The following DMXL2 variants were observed in gnomAD, a reference collection of about 807,000 sequenced individuals.
DMXL2 encodes Dmx like 2.
Under a neutral mutation model 331.1 loss-of-function variants are expected in DMXL2, and 103 were observed. That is an observed-to-expected ratio of 0.31 (90% CI 0.27 to 0.37). The LOEUF (loss-of-function observed/expected upper bound fraction) is 0.37, where lower values mean the gene tolerates loss of function less well. DMXL2 is among the 10% of genes least tolerant of loss of function. The pLI is 1.00. For missense variants in DMXL2, 3,171 were observed against 3,642.9 expected (o/e 0.87, Z 3.33); for synonymous variants, 1,281 against 1,252.1 (o/e 1.02, Z -0.49).
chr15:51,455,326 A>G, intron 39 of DMXL2, 98 bp from the exon 40 acceptor site: 1 of 969,688 alleles, frequency 1.0e-6, no homozygotes, highest in Non-Finnish European at 1.6e-6. Context: ...CTAAATAAAC[A>G]TTCTGCCTCT....
intron 1 of DMXL2, among the ~76,000 whole-genome samples, chr15:51,578,518 C>G (rs142042533): frequency 2.0e-4 from 31 of 152,240 alleles, no homozygotes; most frequent in Non-Finnish European, 4.1e-4. Context: ...ATCAAAATCA[C>G]CTAGGAAACC....
chr15:51,450,378 A>AAAC, intron 42 of DMXL2, 32 bp from the exon 43 acceptor site: 1 of 1,603,266 alleles, frequency 6.2e-7, no homozygotes, highest in Non-Finnish European at 8.5e-7. Flanking sequence ...GAATTTCTCA[A>AAAC]AACAATTTCT....
At chr15:51,548,766 T>C (rs949663754) in intron 6 of DMXL2, among the ~76,000 whole-genome samples, 3 of 152,090 alleles carry the variant, frequency 2.0e-5, no homozygotes, top group African/African-American at 7.2e-5. Context: ...TAACAGAAAG[T>C]TATCTAGAAA....
intron 1 of DMXL2, among the ~76,000 whole-genome samples, chr15:51,616,669 G>A (rs757426711): frequency 7.2e-5 from 11 of 152,168 alleles, no homozygotes; most frequent in Non-Finnish European, 1.5e-4. Context: ...CGGGTGCAGT[G>A]GCTCATGCCT....
At chr15:51,538,147 C>G in intron 10 of DMXL2, 66 bp downstream of exon 10, 1 of 1,534,394 alleles carries the variant, frequency 6.5e-7, no homozygotes. Context: ...GAATTCAAAA[C>G]TAAAAGTGGT....
At chr15:51,594,901 A>G (rs1356499213) in intron 1 of DMXL2, among the ~76,000 whole-genome samples, 1 of 152,222 alleles carries the variant, frequency 6.6e-6, no homozygotes, top group Non-Finnish European at 1.5e-5. Context: ...TTAGGTATTG[A>G]TGGGTTGTAT....
chr15:51,608,640 T>C (rs2053755022), intron 1 of DMXL2, among the ~76,000 whole-genome samples: 1 of 152,070 alleles, frequency 6.6e-6, no homozygotes, highest in Admixed American at 6.6e-5. Context: ...AAACTACCTA[T>C]CGGGAACTAT....
chr15:51,568,950 G>A (rs190736386), intron 2 of DMXL2, among the ~76,000 whole-genome samples: 1,734 of 152,228 alleles, frequency 0.011, 13 homozygotes, highest in Non-Finnish European at 0.019. Context: ...GGTACAGCCC[G>A]CAGAGGTTGA....
Position 51,514,523 on chromosome 15 carries a change from C to T in DMXL2, c.2563G>A (p.Glu855Lys). Residue 855 changes from glutamate (E) to lysine (K), a missense_variant, in exon 15 of 44, where the codon GAA becomes AAA. Physicochemically the swap from Glu to Lys is moderately conservative, Grantham distance 56. This residue lies in a region of DMXL2 where 1,674 missense variants were observed against 1,780.2 expected (regional missense o/e 0.94). Coordinates refer to ENST00000560891, the MANE Select transcript of DMXL2 (RefSeq NM_001378457.1). The stretch of plus-strand genomic sequence containing the variant: ...GGTTTATATCCTATAATGAAGTCTT[C>T]TTGAAACACATGAAGCAACTGTGTA... ...SNTQLLHVFQ[E>K]DFIIGYKPHK... The T allele has an allele frequency of 6.3e-6, 10 of 1,594,004 alleles. No individual in the cohort carries two copies. The highest frequency in any genetic ancestry group is 8.5e-6 in the Non-Finnish European group (10 of 1,171,032).
intron 1 of DMXL2, among the ~76,000 whole-genome samples, chr15:51,577,100 T>C (rs965506740): frequency 3.3e-5 from 5 of 152,170 alleles, no homozygotes; most frequent in Non-Finnish European, 2.9e-5. Context: ...TATGATTAAA[T>C]ATTCAAAACA....
At chr15:51,621,608 A>G (rs2054630252) in intron 1 of DMXL2, among the ~76,000 whole-genome samples, 1 of 152,254 alleles carries the variant, frequency 6.6e-6, no homozygotes, top group Non-Finnish European at 1.5e-5. Context: ...TCCACTCTCA[A>G]AAAGGACTGA....
intron 13 of DMXL2, among the ~76,000 whole-genome samples, chr15:51,526,819 A>G (rs1240504131): frequency 1.3e-5 from 2 of 152,216 alleles, no homozygotes; most frequent in African/African-American, 2.4e-5. Flanking sequence ...GAAATAATTT[A>G]TGAGTTTGAA....
At chr15:51,451,553 A>T in intron 42 of DMXL2, 92 bp downstream of exon 42, 2 of 988,750 alleles carry the variant, frequency 2.0e-6, no homozygotes, top group Non-Finnish European at 3.1e-6. Flanking sequence ...ATAAACACTC[A>T]CTGGATTCAC....
intron 13 of DMXL2, among the ~76,000 whole-genome samples, chr15:51,531,352 C>T (rs760819068): frequency 1.1e-4 from 16 of 152,082 alleles, no homozygotes; most frequent in East Asian, 1.9e-4. Context: ...AAACCAGACC[C>T]CTATCATTAA....
At chr15:51,542,885 C>T (rs1172752374) in intron 8 of DMXL2, among the ~76,000 whole-genome samples, 2 of 151,542 alleles carry the variant, frequency 1.3e-5, no homozygotes, top group Non-Finnish European at 2.9e-5. Flanking sequence ...AATATTGCCT[C>T]CCCAATACTG....
intron 3 of DMXL2, among the ~76,000 whole-genome samples, chr15:51,566,738 A>C (rs2050314510): frequency 6.6e-6 from 1 of 152,242 alleles, no homozygotes; most frequent in East Asian, 1.9e-4. Context: ...TTTCACTTAA[A>C]AATATACTTT....
rs754820358 is a variant in DMXL2, at chr15:51,563,464, T to A, written c.501-17A>T. ...ACTGAGGTTCTAAAAAAGAGAGAGT[T>A]AGGCAATTAGCCCTTTTAAAATCTG... On this transcript the variant is annotated splice_polypyrimidine_tract_variant and intron_variant, in intron 5 of 43. Coordinates refer to ENST00000560891, the MANE Select transcript of DMXL2 (RefSeq NM_001378457.1). 44 of 1,578,414 alleles carry A rather than the reference T, an allele frequency of 2.8e-5. No individual in the cohort carries two copies. The highest frequency in any genetic ancestry group is 3.7e-5 in the Non-Finnish European group (43 of 1,157,466).
intron 1 of DMXL2, chr15:51,603,647 A>AC (rs1375174979): frequency 6.6e-6 from 1 of 152,058 alleles, no homozygotes; most frequent in East Asian, 1.9e-4. Flanking sequence ...CAGGCAGATC[A>AC]CGAGGTCAGG....
At chr15:51,572,082 A>G (rs1024438572) in intron 2 of DMXL2, among the ~76,000 whole-genome samples, 5 of 152,156 alleles carry the variant, frequency 3.3e-5, no homozygotes, top group African/African-American at 1.2e-4. Context: ...AATAGACACA[A>G]TAGAAAATGA....
Sources: gnomAD v4.1 joint callset for allele counts (sites outside exome capture counted in the v4.1 genomes callset) on GRCh38, gnomAD v4.1.1 for gene constraint, gnomAD v4.1.1 regional missense constraint, MANE v1.5 for transcripts, NCBI Gene and HGNC (gene_info 2026-07-23, HGNC 2026-07-21) for gene names.